The following MAGI2 variants were observed in gnomAD, a reference collection of about 807,000 sequenced individuals.
MAGI2 encodes membrane associated guanylate kinase, WW and PDZ domain containing 2.
A neutral mutation model predicts 133.3 loss-of-function variants in MAGI2; 35 were observed. The ratio of observed to expected loss-of-function variants is 0.26; its 90% CI spans 0.20 to 0.35. The LOEUF (loss-of-function observed/expected upper bound fraction) is 0.35, where lower values mean the gene tolerates loss of function less well. Ranked by LOEUF, MAGI2 falls within the 10% of genes least tolerant of loss-of-function variation. MAGI2 has a pLI of 1.00. For missense variants in MAGI2, 1,636 were observed against 1,863.4 expected, an observed-to-expected ratio of 0.88 and a Z score of 2.25; for synonymous variants, 729 against 710.6, an observed-to-expected ratio of 1.03 and a Z score of -0.41.
At position 78,125,843 on chromosome 7, in the gene MAGI2, G is replaced by A; in HGVS notation, c.3424-6C>T. The A allele has an allele frequency of 6.2e-7, 1 of 1,613,480 alleles. No homozygotes were observed. The highest frequency in any genetic ancestry group is 8.5e-7 in the Non-Finnish European group (1 of 1,179,740). Reference sequence around the variant, plus strand: ...ACAGTGAAATAATCAAAATCCTTTGGGGTTGGGGAGAAAATGGAATAAATA... The same window carrying A: ...ACAGTGAAATAATCAAAATCCTTTGAGGTTGGGGAGAAAATGGAATAAATA... On this transcript the variant is annotated splice_polypyrimidine_tract_variant and splice_region_variant and intron_variant, in intron 19 of 21. Transcript: ENST00000354212.
At chr7:78,490,027 C>A (rs1793455016) in intron 5 of MAGI2, 187 bp from the exon 6 acceptor site, 1 of 503,068 alleles carries the variant, frequency 2.0e-6, no homozygotes, top group Non-Finnish European at 3.5e-6. Flanking sequence ...ATTTGGCAAC[C>A]TCAGCTCCCT....
intron 3 of MAGI2, among the ~76,000 whole-genome samples, chr7:78,550,518 T>C (rs1035525851): frequency 3.3e-5 from 5 of 152,098 alleles, no homozygotes; most frequent in Non-Finnish European, 7.4e-5. Flanking sequence ...TACTCTAAAA[T>C]CTACTCCTGG....
intron 3 of MAGI2, among the ~76,000 whole-genome samples, chr7:78,532,422 G>A (rs892802658): frequency 2.6e-5 from 4 of 152,164 alleles, no homozygotes; most frequent in African/African-American, 9.7e-5. Context: ...AGTGATTGTG[G>A]TTGCAGAGTG....
At chr7:78,174,974 G>A (rs2150670177) in intron 14 of MAGI2, among the ~76,000 whole-genome samples, 1 of 152,316 alleles carries the variant, frequency 6.6e-6, no homozygotes, top group African/African-American at 2.4e-5. Flanking sequence ...AAGTCCTTAA[G>A]GGTGATGGAA....
At chr7:78,163,794 C>G (rs1217107349) in intron 15 of MAGI2, among the ~76,000 whole-genome samples, 1 of 150,908 alleles carries the variant, frequency 6.6e-6, no homozygotes, top group Admixed American at 6.6e-5. Context: ...GTAGTCCCAG[C>G]TACTTGGGAG....
At chr7:79,300,274 C>T (rs189477234) in intron 1 of MAGI2, among the ~76,000 whole-genome samples, 2 of 152,198 alleles carry the variant, frequency 1.3e-5, no homozygotes, top group Non-Finnish European at 2.9e-5. Flanking sequence ...ATGGTTGTGA[C>T]CAAAATGCTG....
chr7:78,291,933 C>T (rs1489642740), intron 9 of MAGI2, among the ~76,000 whole-genome samples: 1 of 152,114 alleles, frequency 6.6e-6, no homozygotes, highest in Non-Finnish European at 1.5e-5. Flanking sequence ...GGATGTATCT[C>T]AAAATAGTAA....
chr7:78,569,643 T>G (rs1328875831), intron 3 of MAGI2, among the ~76,000 whole-genome samples: 1 of 152,214 alleles, frequency 6.6e-6, no homozygotes, highest in Non-Finnish European at 1.5e-5. Flanking sequence ...AAATAAAATT[T>G]AAAACTTTTT....
chr7:79,334,923 A>G (rs1840333822), intron 1 of MAGI2, among the ~76,000 whole-genome samples: 1 of 152,138 alleles, frequency 6.6e-6, no homozygotes, highest in African/African-American at 2.4e-5. Flanking sequence ...TTCATGGGCT[A>G]CTTGAAGAAC....
At chr7:78,488,642 T>C (rs1374392170) in intron 6 of MAGI2, among the ~76,000 whole-genome samples, 1 of 152,072 alleles carries the variant, frequency 6.6e-6, no homozygotes, top group African/African-American at 2.4e-5. Context: ...AGTTGTACTA[T>C]TATACAGAAA....
chr7:78,974,744 T>C (rs938640851), intron 2 of MAGI2, among the ~76,000 whole-genome samples: 3 of 151,790 alleles, frequency 2.0e-5, no homozygotes, highest in African/African-American at 7.2e-5. Context: ...GTCAAAAAGC[T>C]TTTATTACCA....
intron 4 of MAGI2, among the ~76,000 whole-genome samples, chr7:78,513,400 A>G (rs1470590338): frequency 6.6e-6 from 1 of 152,180 alleles, no homozygotes; most frequent in Admixed American, 6.5e-5. Context: ...TTCAAAAAGA[A>G]AGGCCAGTCC....
chr7:79,364,954 GA>G (rs1187686325), intron 1 of MAGI2, among the ~76,000 whole-genome samples: 3 of 150,896 alleles, frequency 2.0e-5, no homozygotes, highest in Non-Finnish European at 4.4e-5. Context: ...TGAAAAGAAT[GA>G]AAAGGCAAGC....
At chr7:79,255,380 G>A (rs1424675658) in intron 1 of MAGI2, among the ~76,000 whole-genome samples, 2 of 152,134 alleles carry the variant, frequency 1.3e-5, no homozygotes, top group African/African-American at 2.4e-5. Context: ...TGAGATCTGT[G>A]GTTTCGCATG....
At chr7:78,821,684 T>C (rs73369438) in intron 2 of MAGI2, among the ~76,000 whole-genome samples, 3,938 of 152,088 alleles carry the variant, frequency 0.026, 160 homozygotes, top group African/African-American at 0.089. Flanking sequence ...TAACTCTTTT[T>C]CTATTTTTAT....
intron 2 of MAGI2, among the ~76,000 whole-genome samples, chr7:78,855,523 A>T (rs1207822): frequency 0.65 from 98,147 of 151,888 alleles, 32,300 homozygotes; most frequent in East Asian, 0.73. Context: ...TCTGTCCTTG[A>T]GATAGTTTGC....
chr7:78,446,327 C>A (rs1788138296), intron 6 of MAGI2, among the ~76,000 whole-genome samples: 1 of 151,882 alleles, frequency 6.6e-6, no homozygotes, highest in Non-Finnish European at 1.5e-5. Context: ...TGGAAGTGAT[C>A]AACTTAAACT....
rs1562785165 is a variant in MAGI2 at position 79,011,904 on chromosome 7, CCTTCCTTCCTTCCTTCCTTCCTTT to C, written c.302-4722_302-4699del. 2.4e-3 allele frequency among the ~76,000 whole-genome samples: 322 copies of C among 136,924 alleles called. 1 individual carries two copies. Among genetic ancestry groups the C allele is most frequent in the African/African-American group, 8.5e-3 (301 of 35,428 alleles). 89.8% of individuals were successfully genotyped at this position (136,924 alleles called of 152,430 possible). A position where few individuals can be genotyped will look rare whatever the true frequency, so the allele number is the denominator to read the frequency against. On this transcript the variant is annotated intron_variant, in intron 1 of 21. Transcript: ENST00000354212. ...TCCTTTCTTCCTTCCTTCCTTCCTT[CCTTCCTTCCTTCCTTCCTTCCTTT>C]CTTTCTTTCTTTCTTTCTTTCTCTG...
intron 2 of MAGI2, among the ~76,000 whole-genome samples, chr7:78,758,903 G>A (rs972732036): frequency 6.6e-6 from 1 of 152,042 alleles, no homozygotes; most frequent in African/African-American, 2.4e-5. Context: ...CATTACTCTG[G>A]TAGTTAATCT....
Sources: gnomAD v4.1 joint callset for allele counts (sites outside exome capture counted in the v4.1 genomes callset) on GRCh38, gnomAD v4.1.1 for gene constraint, MANE v1.5 for transcripts, NCBI Gene and HGNC (gene_info 2026-07-23, HGNC 2026-07-21) for gene names.